Variants in PCDHGA11 observed in about 807,000 individuals in gnomAD.
The protein encoded by PCDHGA11 is protocadherin gamma subfamily A, 11, also known as protocadherin gamma-A11.
A neutral mutation model predicts 60.4 loss-of-function variants in PCDHGA11; 39 were observed. That is an observed-to-expected ratio of 0.65 (90% confidence interval 0.50 to 0.84). The LOEUF (loss-of-function observed/expected upper bound fraction) is 0.84. Ranked by LOEUF, PCDHGA11 falls within the 40% of genes least tolerant of loss-of-function variation. The pLI is 0.00. For synonymous variants in PCDHGA11, 533 were observed against 510.3 expected (o/e 1.04, Z -0.60); for missense variants, 1,165 against 1,197.7 (o/e 0.97, Z 0.40).
At chr5:141,505,345 G>C (rs776607130) in intron 2 of PCDHGA11, 48 bp from the exon 3 acceptor site, 3 of 1,613,086 alleles carry the variant, frequency 1.9e-6, no homozygotes, top group Non-Finnish European at 2.5e-6. Flanking sequence ...AGGGGCATGA[G>C]CTGTGCCGGC....
chr5:141,456,327 G>C (rs917430790), intron 1 of PCDHGA11, among the ~76,000 whole-genome samples: 1 of 152,186 alleles, frequency 6.6e-6, no homozygotes, highest in African/African-American at 2.4e-5. Flanking sequence ...TCCTGGGGTT[G>C]ATCTAAGGGT....
Position 141,490,252 on chromosome 5 carries a change from G to A in PCDHGA11, c.2434-4555G>A, listed in dbSNP as rs150107963. The A allele has an allele frequency of 1.9e-6, 3 of 1,614,252 alleles. No homozygotes were observed. Among genetic ancestry groups the A allele is most frequent in the Non-Finnish European group, 1.7e-6 (2 of 1,180,046 alleles). The stretch of plus-strand genomic sequence containing the variant: ...CATGGAGGGCCACTGTGTGATTCAA[G>A]TGGATGTGGGGGATGTCAATGACAA... On this transcript the variant is annotated intron_variant, in intron 1 of 3. Coordinates refer to ENST00000398587, the MANE Select transcript of PCDHGA11 (RefSeq NM_018914.3). This position sits in a 1 kb window ranked among gnomAD's most constrained non-coding sequence, Gnocchi z 5.4.
Position 141,486,173 on chromosome 5 carries a change from T to C in PCDHGA11, c.2434-8634T>C. 1 of 1,614,220 alleles carries C rather than the reference T, an allele frequency of 6.2e-7. No homozygotes were observed. Among genetic ancestry groups the C allele is most frequent in the Non-Finnish European group, 8.5e-7 (1 of 1,180,042 alleles). ...GGGTTCTCCAGCCATGGAGCAACATTGCAGCCTTCGAGTGGATCTGCTGGA... is the reference window on the plus strand; with the variant it reads ...GGGTTCTCCAGCCATGGAGCAACATCGCAGCCTTCGAGTGGATCTGCTGGA... On this transcript the variant is annotated intron_variant, in intron 1 of 3. Transcript: ENST00000398587. The surrounding 1 kb of genome is among the most constrained non-coding windows in gnomAD (Gnocchi z 5.0).
chr5:141,473,598 T>C (rs959841516), intron 1 of PCDHGA11, among the ~76,000 whole-genome samples: 8 of 152,066 alleles, frequency 5.3e-5, no homozygotes, highest in African/African-American at 1.9e-4. Flanking sequence ...CCTGTAGAAA[T>C]TAGCAAAGCA....
chr5:141,499,570 A>G (rs1027373056), intron 2 of PCDHGA11, among the ~76,000 whole-genome samples: 2 of 152,200 alleles, frequency 1.3e-5, no homozygotes, highest in African/African-American at 4.8e-5. Context: ...TCCAGCTTCA[A>G]CTAATGCCTT....
Position 141,487,548 on chromosome 5 carries a change from G to T in PCDHGA11, c.2434-7259G>T. The T allele has an allele frequency of 6.2e-7, 1 of 1,614,190 alleles. No homozygotes were observed. Among genetic ancestry groups the T allele is most frequent in the Non-Finnish European group, 8.5e-7 (1 of 1,180,038 alleles). ...AGCTTCATGATGGTGAAGTCACCCA[G>T]TGCACCTATGGCAGGGGAGCCTGTT... is the stretch of plus-strand genomic sequence containing the variant. On this transcript the variant is annotated intron_variant, in intron 1 of 3. Coordinates refer to ENST00000398587, the MANE Select transcript of PCDHGA11 (RefSeq NM_018914.3). The surrounding 1 kb of genome is among the most constrained non-coding windows in gnomAD (Gnocchi z 5.0).
At position 141,422,785 on chromosome 5, in the gene PCDHGA11, T is replaced by C; in HGVS notation, c.1558T>C (p.Ser520Pro). The C allele has an allele frequency of 6.2e-7, 1 of 1,614,146 alleles. No individual in the cohort carries two copies. The highest frequency in any genetic ancestry group is 8.5e-7 in the Non-Finnish European group (1 of 1,180,000). The change falls in exon 1 of 4, where the codon TCC (serine) becomes CCC (proline). Residue 520 changes from serine to proline, a missense_variant. Physicochemically the swap from Ser to Pro is moderately conservative, Grantham distance 74 (BLOSUM62 -1). Coordinates refer to ENST00000398587, the MANE Select transcript of PCDHGA11 (RefSeq NM_018914.3). ...CACTGGTGTTCTCTATGCCCTACAA[T>C]CCTTCGACTATGAGCAGTTTCGAGA... ...SNTGVLYALQ[S>P]FDYEQFRDLE...
Position 141,485,618 on chromosome 5 carries a change from G to A in PCDHGA11, c.2434-9189G>A, listed in dbSNP as rs2099616729. 2.5e-6 allele frequency: 4 copies of A among 1,612,092 alleles called. No individual in the cohort carries two copies. Among genetic ancestry groups the A allele is most frequent in the Non-Finnish European group, 3.4e-6 (4 of 1,178,672 alleles). On this transcript the variant is annotated intron_variant, in intron 1 of 3. Coordinates refer to ENST00000398587, the MANE Select transcript of PCDHGA11 (RefSeq NM_018914.3). This position sits in a 1 kb window ranked among gnomAD's most constrained non-coding sequence, Gnocchi z 5.7. The stretch of plus-strand genomic sequence containing the variant: ...GGAAATTGGGGAGGCAGCTCCTCCA[G>A]GACAGCGTTTCCCGTTGGAAAAGGC...
intron 1 of PCDHGA11, among the ~76,000 whole-genome samples, chr5:141,492,641 G>A (rs2099742804): frequency 6.6e-6 from 1 of 152,226 alleles, no homozygotes; most frequent in African/African-American, 2.4e-5. Flanking sequence ...ACGATCCTTG[G>A]GCCAGAGGTC....
In PCDHGA11 at chr5:141,510,272, T is replaced by TAAA. The variant is rs546154379; in HGVS notation, c.2582-658_2582-656dup. 1.5e-3 allele frequency among the ~76,000 whole-genome samples: 198 copies of TAAA among 130,372 alleles called. 1 individual carries two copies. Among genetic ancestry groups the TAAA allele is most frequent in the Non-Finnish European group, 2.8e-3 (172 of 61,058 alleles). The allele number at this position is 130,372 out of a possible 152,430, so 85.5% of individuals were successfully genotyped here. ...TGGGCGACAGAGCAGGACTCCATCTTAAAAAAAAAAAAAAAAAAATGCTGT... is the reference window on the plus strand; with the variant it reads ...TGGGCGACAGAGCAGGACTCCATCTTAAAAAAAAAAAAAAAAAAAAAATGCTGT... On this transcript the variant is annotated intron_variant, in intron 3 of 3. Coordinates refer to ENST00000398587, the MANE Select transcript of PCDHGA11 (RefSeq NM_018914.3).
chr5:141,460,791 C>A (rs2098997892), intron 1 of PCDHGA11, among the ~76,000 whole-genome samples: 1 of 151,666 alleles, frequency 6.6e-6, no homozygotes, highest in Non-Finnish European at 1.5e-5. Context: ...TATATACACA[C>A]AAAGTATATA....
rs553772792 is a variant in PCDHGA11, at chr5:141,444,542, G to A, written c.2433+20882G>A. ...AGGTGAGACAGTGACTGTGTCTAGT[G>A]AGCAAAAGGCACTTATTTGACACTT... On this transcript the variant is annotated intron_variant, in intron 1 of 3. Coordinates refer to ENST00000398587, the MANE Select transcript of PCDHGA11 (RefSeq NM_018914.3). 3.3e-5 allele frequency among the ~76,000 whole-genome samples: 5 copies of A among 152,156 alleles called. No individual in the cohort carries two copies. The East Asian group carries it at 7.7e-4, about 24-fold the overall frequency.
Position 141,489,091 on chromosome 5 carries a change from T to A in PCDHGA11, c.2434-5716T>A. 1.9e-4 allele frequency: 63 copies of A among 332,802 alleles called. No individual in the cohort carries two copies. Among genetic ancestry groups the A allele is most frequent in the East Asian group, 2.9e-4 (6 of 20,542 alleles). The allele number at this position is 332,802 out of a possible 1,614,324, so 20.6% of individuals were successfully genotyped here. A position where few individuals can be genotyped will look rare whatever the true frequency, so the allele number is the denominator to read the frequency against. ...CTGCCCACCCCCGCCACTCGGTGAC[T>A]AAGAACTGCTGCAAGCAGGCAAACC... On this transcript the variant is annotated intron_variant, in intron 1 of 3. Transcript: ENST00000398587. This position sits in a 1 kb window ranked among gnomAD's most constrained non-coding sequence, Gnocchi z 4.5.
At chr5:141,510,311 C>T (rs375516156) in intron 3 of PCDHGA11, among the ~76,000 whole-genome samples, 98 of 151,056 alleles carry the variant, frequency 6.5e-4, no homozygotes, top group African/African-American at 2.3e-3. Flanking sequence ...GAAATGGAGG[C>T]TTGGAAGAGC....
At position 141,421,491 on chromosome 5, in the gene PCDHGA11, A is replaced by G. The variant is rs934861223; in HGVS notation, c.264A>G (p.Ala88=). 8 of 1,614,102 alleles carry G rather than the reference A, an allele frequency of 5.0e-6. No homozygotes were observed. Among genetic ancestry groups the G allele is most frequent in the Non-Finnish European group, 6.8e-6 (8 of 1,179,922 alleles). Residue 88 remains alanine, a synonymous_variant, in exon 1 of 4, where the codon GCA becomes GCG. Transcript: ENST00000398587. ...CGCGAAGCGGCAGCTTGATCACGGC[A>G]GGCAGGATAGACCGGGAGGAGCTCT... ...VNPRSGSLIT[A]GRIDREELCE...
At position 141,422,880 on chromosome 5, in the gene PCDHGA11, G is replaced by C. The variant is rs970045921; in HGVS notation, c.1653G>C (p.Leu551=). The C allele has an allele frequency of 7.4e-6, 12 of 1,614,140 alleles. No individual in the cohort carries two copies. In the Admixed American group the frequency reaches 2.0e-4, roughly 27 times the overall value. ...PPLSSNVSLS[L]FVLDQNDNAP... ...TCAGCAGCAACGTGTCGCTGAGCCT[G>C]TTCGTGCTGGACCAGAACGACAATG... Residue 551 remains leucine, a synonymous_variant, in exon 1 of 4, where the codon CTG becomes CTC. Coordinates refer to ENST00000398587, the MANE Select transcript of PCDHGA11 (RefSeq NM_018914.3).
intron 1 of PCDHGA11, among the ~76,000 whole-genome samples, chr5:141,442,921 CATTTTCTA>C (rs1366534082): frequency 6.6e-6 from 1 of 152,196 alleles, no homozygotes. Context: ...ACAACTGTTT[CATTTTCTA>C]TTTAAGAAAC....
chr5:141,477,175 A>T lies in PCDHGA11; in HGVS notation c.2434-17632A>T, dbSNP rs1338347224. On this transcript the variant is annotated intron_variant, in intron 1 of 3. Transcript: ENST00000398587. This position sits in a 1 kb window ranked among gnomAD's most constrained non-coding sequence, Gnocchi z 4.9. ...TGAATGACAACGCCCCGGAGATCAC[A>T]GTCACCTCCGTGTACAGCCCAGTAC... is the stretch of plus-strand genomic sequence containing the variant. The T allele has an allele frequency of 1.2e-6, 2 of 1,614,186 alleles. No individual in the cohort carries two copies. The highest frequency in any genetic ancestry group is 3.3e-5 in the Admixed American group (2 of 60,028).
chr5:141,459,171 A>G (rs2098962477), intron 1 of PCDHGA11, among the ~76,000 whole-genome samples: 1 of 152,180 alleles, frequency 6.6e-6, no homozygotes, highest in Non-Finnish European at 1.5e-5. Flanking sequence ...ATAACCTTCA[A>G]AAGTTCCCTC....
Sources: gnomAD v4.1 joint callset for allele counts (sites outside exome capture counted in the v4.1 genomes callset) on GRCh38, gnomAD v4.1.1 for gene constraint, Gnocchi (gnomAD v3.1) non-coding constraint, MANE v1.5 for transcripts, NCBI Gene and HGNC (gene_info 2026-07-23, HGNC 2026-07-21) for gene names.